Variants in OPRM1 observed in about 807,000 individuals in gnomAD.
OPRM1 encodes opioid receptor mu 1.
OPRM1 carries 27 observed loss-of-function variants against 31.8 expected under a neutral mutation model. The ratio of observed to expected loss-of-function variants is 0.85; its 90% CI spans 0.63 to 1.17. OPRM1 has a LOEUF of 1.17. OPRM1 is among the 50% of genes most tolerant of loss of function. The pLI, the probability that OPRM1 is intolerant of heterozygous loss-of-function variation, is 0.00. For missense variants in OPRM1, 536 were observed against 511.1 expected, an observed-to-expected ratio of 1.05 and a Z score of -0.47; for synonymous variants, 196 against 189.9, an observed-to-expected ratio of 1.03 and a Z score of -0.26.
chr6:154,148,412 C>T (rs1489125322), intron 3 of OPRM1, among the ~76,000 whole-genome samples: 3 of 152,228 alleles, frequency 2.0e-5, no homozygotes, highest in African/African-American at 7.2e-5. Context: ...AGCCATCCAG[C>T]AGCAGCAGTA....
At chr6:154,184,197 T>TA (rs999083328) in intron 3 of OPRM1, among the ~76,000 whole-genome samples, 4 of 150,366 alleles carry the variant, frequency 2.7e-5, no homozygotes, top group Non-Finnish European at 5.9e-5. Flanking sequence ...AACTTTCTCT[T>TA]AAAAAAAAAT....
rs1291458086 is a variant in OPRM1 at position 154,128,655 on chromosome 6, G to A, written c.*9934G>A. On this transcript the variant is annotated 3_prime_UTR_variant, in exon 4 of 4. Coordinates refer to ENST00000330432, the MANE Select transcript of OPRM1 (RefSeq NM_000914.5). ...ATCATTGATCCTGAAGACAGTTGAAGCAATCATACTGGTTGTTCTCGAACT... is the reference window on the plus strand; with the variant it reads ...ATCATTGATCCTGAAGACAGTTGAAACAATCATACTGGTTGTTCTCGAACT... Among the ~76,000 whole-genome samples the A allele has an allele frequency of 6.6e-6, 1 of 152,162 alleles. No individual in the cohort carries two copies. The highest frequency in any genetic ancestry group is 6.5e-5 in the Admixed American group (1 of 15,278).
chr6:154,091,130 C>T lies in OPRM1; in HGVS notation c.822C>T (p.Asp274=). Residue 274 remains aspartate, a synonymous_variant, in exon 3 of 4, where the codon GAC becomes GAT. Transcript: ENST00000330432. Reference sequence around the variant, plus strand: ...TGCTCTCTGGCTCCAAAGAAAAGGACAGGAATCTTCGAAGGATCACCAGGA... The same window carrying T: ...TGCTCTCTGGCTCCAAAGAAAAGGATAGGAATCTTCGAAGGATCACCAGGA... ...VRMLSGSKEK[D]RNLRRITRMV... 1 of 1,614,188 alleles carries T rather than the reference C, an allele frequency of 6.2e-7. No homozygotes were observed. Among genetic ancestry groups the T allele is most frequent in the South Asian group, 1.1e-5 (1 of 91,082 alleles).
chr6:154,088,468 T>A (rs890478318), intron 1 of OPRM1, among the ~76,000 whole-genome samples: 1 of 152,222 alleles, frequency 6.6e-6, no homozygotes, highest in Non-Finnish European at 1.5e-5. Flanking sequence ...AGGCTTTGCA[T>A]GTCATCTGAT....
chr6:154,233,817 C>G (rs1348438395), intron 3 of OPRM1, among the ~76,000 whole-genome samples: 3 of 152,162 alleles, frequency 2.0e-5, no homozygotes, highest in Non-Finnish European at 4.4e-5. Flanking sequence ...GCTTCTCTGG[C>G]TGCCCTATTC....
At chr6:154,241,714 G>A (rs868439659) in intron 3 of OPRM1, among the ~76,000 whole-genome samples, 1 of 152,196 alleles carries the variant, frequency 6.6e-6, no homozygotes, top group Middle Eastern at 3.4e-3. Flanking sequence ...CTGGCCTTCT[G>A]GCAGCTCCCT....
At chr6:154,208,172 C>A (rs1394510860) in intron 3 of OPRM1, among the ~76,000 whole-genome samples, 2 of 151,748 alleles carry the variant, frequency 1.3e-5, no homozygotes, top group African/African-American at 2.4e-5. Flanking sequence ...GGCCCATATG[C>A]CCTCCACGAT....
chr6:154,152,111 A>C (rs1324085790), intron 3 of OPRM1, among the ~76,000 whole-genome samples: 1 of 147,648 alleles, frequency 6.8e-6, no homozygotes, highest in Non-Finnish European at 1.5e-5. Flanking sequence ...TGGGAGGCAG[A>C]GGTTGCAGTG....
In OPRM1 at chr6:154,102,657, A is replaced by G. The variant is rs546233748; in HGVS notation, c.1164+11185A>G. Among the ~76,000 whole-genome samples the G allele has an allele frequency of 9.9e-5, 15 of 152,228 alleles. No homozygotes were observed. The East Asian group carries it at 2.9e-3, about 29-fold the overall frequency. ...TGCCAGTAGCACCCACCCATCTCCC[A>G]CTGTGATGCCAAAATGCCTCCAGAT... is the stretch of plus-strand genomic sequence containing the variant. On this transcript the variant is annotated intron_variant, in intron 3 of 3. Coordinates refer to ENST00000330432, the MANE Select transcript of OPRM1 (RefSeq NM_000914.5).
Position 154,215,377 on chromosome 6 carries a change from G to T in OPRM1, c.1165-31316G>T, listed in dbSNP as rs145470683. Reference sequence around the variant, plus strand: ...CCAGCACTTCAGGAGGCCAAGGCAGGTGGATCACCTGAGGTCAGAAGTTCA... The same window carrying T: ...CCAGCACTTCAGGAGGCCAAGGCAGTTGGATCACCTGAGGTCAGAAGTTCA... On this transcript the variant is annotated intron_variant, in intron 3 of 3. Coordinates refer to the OPRM1 transcript ENST00000337049. 1.9e-4 allele frequency among the ~76,000 whole-genome samples: 29 copies of T among 152,256 alleles called. No homozygotes were observed. In the East Asian group the frequency reaches 5.6e-3, roughly 29 times the overall value.
chr6:154,209,833 C>G (rs1777822461), intron 3 of OPRM1, among the ~76,000 whole-genome samples: 1 of 152,082 alleles, frequency 6.6e-6, no homozygotes. Context: ...GAAAAAAAAT[C>G]TAACTGTTCA....
At chr6:154,231,027 A>G (rs1363974862) in intron 3 of OPRM1, among the ~76,000 whole-genome samples, 1 of 152,216 alleles carries the variant, frequency 6.6e-6, no homozygotes, top group Non-Finnish European at 1.5e-5. Context: ...CCATTTCTCC[A>G]TATAAATCTA....
chr6:154,094,344 T>C, intron 3 of OPRM1: 1 of 601,730 alleles, frequency 1.7e-6, no homozygotes, highest in Non-Finnish European at 2.8e-6. Flanking sequence ...AATGAGAAAA[T>C]TCTGTGCCCA....
At chr6:154,034,848 T>G (rs796832728), upstream of OPRM1, among the ~76,000 whole-genome samples, 15 of 152,298 alleles carry the variant, frequency 9.8e-5, no homozygotes, top group African/African-American at 2.9e-4. Context: ...CATTTAGGCT[T>G]ATGTATCATT....
chr6:154,041,281 A>G (rs1447667863), intron 1 of OPRM1, among the ~76,000 whole-genome samples: 1 of 152,214 alleles, frequency 6.6e-6, no homozygotes, highest in Non-Finnish European at 1.5e-5. Flanking sequence ...ATTGAGAGGA[A>G]GGCTAACAAC....
intron 3 of OPRM1, chr6:154,199,946 A>G (rs772528669): frequency 5.6e-6 from 9 of 1,614,108 alleles, no homozygotes; most frequent in Admixed American, 1.7e-5. Flanking sequence ...GGAGGAAGGA[A>G]AACTGCTGGG....
chr6:154,193,014 C>T (rs547592786), intron 3 of OPRM1, among the ~76,000 whole-genome samples: 1 of 152,288 alleles, frequency 6.6e-6, no homozygotes, highest in East Asian at 1.9e-4. Flanking sequence ...AATCCCACTA[C>T]TGGATATCTA....
rs1358623009 is a variant in OPRM1, at chr6:154,126,617, A to G, written c.*7896A>G. On this transcript the variant is annotated 3_prime_UTR_variant, in exon 4 of 4. Transcript: ENST00000330432. ...TGTCACCACCCTACACTGCTGTGAC[A>G]CCGAAACAACCAAGCCTAGAATCAG... 6.6e-6 allele frequency among the ~76,000 whole-genome samples: 1 copy of G among 152,092 alleles called. No homozygotes were observed. Among genetic ancestry groups the G allele is most frequent in the South Asian group, 2.1e-4 (1 of 4,818 alleles).
chr6:154,039,710 GAC>G lies in OPRM1; in HGVS notation c.168_169del (p.Asp56GlufsTer96), dbSNP rs1562386675. 2 of 1,612,984 alleles carry G rather than the reference GAC, an allele frequency of 1.2e-6. No homozygotes were observed. Among genetic ancestry groups the G allele is most frequent in the African/African-American group, 2.7e-5 (2 of 74,940 alleles). ...GPNRTDLGGR[D>X]SLCPPTGSPS... ...GAACCGCACCGACCTGGGCGGGAGA[GAC>G]AGCCTGTGCCCTCCGACCGGCAGTC... On this transcript the variant is annotated frameshift_variant, in exon 1 of 4. Coordinates refer to ENST00000330432, the MANE Select transcript of OPRM1 (RefSeq NM_000914.5). LOFTEE classifies it high-confidence loss of function.
Sources: gnomAD v4.1 joint callset for allele counts (sites outside exome capture counted in the v4.1 genomes callset) on GRCh38, gnomAD v4.1.1 for gene constraint, MANE v1.5 for transcripts, NCBI Gene and HGNC (gene_info 2026-07-23, HGNC 2026-07-21) for gene names.